Variants in TPTE observed in about 807,000 individuals in gnomAD.
TPTE encodes the protein transmembrane phosphatase with tensin homology.
TPTE carries 59 observed loss-of-function variants against 84.1 expected under a neutral mutation model. The observed-to-expected ratio is 0.70, with a 90% CI of 0.57 to 0.87. The LOEUF (loss-of-function observed/expected upper bound fraction) is 0.87, where lower values mean the gene tolerates loss of function less well. TPTE is among the 40% of genes least tolerant of loss of function. TPTE has a pLI of 0.00. For missense variants in TPTE, 382 were observed against 659.6 expected (o/e 0.58, Z 4.61); for synonymous variants, 130 against 223.5 (o/e 0.58, Z 3.73).
At chr21:10,601,253 C>T (rs1296367167) in intron 21 of TPTE, among the ~76,000 whole-genome samples, 1 of 152,310 alleles carries the variant, frequency 6.6e-6, no homozygotes, top group Non-Finnish European at 1.5e-5. Flanking sequence ...GCCTGTAATC[C>T]CAGCACTTTG....
chr21:10,594,491 A>T (rs941109971), intron 19 of TPTE, among the ~76,000 whole-genome samples: 2 of 152,308 alleles, frequency 1.3e-5, no homozygotes, highest in African/African-American at 4.8e-5. Context: ...TGGTTGTATT[A>T]ATTTCTACTA....
intron 7 of TPTE, among the ~76,000 whole-genome samples, chr21:10,545,026 G>T (rs1265535186): frequency 7.9e-5 from 12 of 152,300 alleles, no homozygotes; most frequent in African/African-American, 2.9e-4. Flanking sequence ...CGTTTTTCAG[G>T]GGAACTAGAT....
chr21:10,563,087 A>G (rs1387765537), intron 10 of TPTE, among the ~76,000 whole-genome samples: 4 of 152,428 alleles, frequency 2.6e-5, no homozygotes, highest in East Asian at 3.9e-4. Flanking sequence ...GTTTCAGGCC[A>G]GGAGAGAGTG....
At chr21:10,555,269 T>A (rs1243991454) in intron 8 of TPTE, among the ~76,000 whole-genome samples, 2 of 152,304 alleles carry the variant, frequency 1.3e-5, no homozygotes, top group East Asian at 1.9e-4. Context: ...GTGCAGTGGC[T>A]CCACTCAGCT....
chr21:10,598,366 T>C (rs1438579311), intron 21 of TPTE, among the ~76,000 whole-genome samples: 1 of 152,312 alleles, frequency 6.6e-6, no homozygotes, highest in Non-Finnish European at 1.5e-5. Context: ...CTGAGCGTGT[T>C]CCCAGGAATG....
chr21:10,551,714 CAAAA>C (rs147086521), intron 7 of TPTE, among the ~76,000 whole-genome samples: 4 of 151,424 alleles, frequency 2.6e-5, no homozygotes, highest in Non-Finnish European at 4.4e-5. Context: ...AAATCAGAAA[CAAAA>C]AAAAAGAGAC....
intron 7 of TPTE, among the ~76,000 whole-genome samples, chr21:10,543,760 A>C (rs368065806): frequency 1.3e-4 from 19 of 151,998 alleles, no homozygotes; most frequent in East Asian, 9.6e-4. Flanking sequence ...CAATTTTTTA[A>C]GGGATTCAGG....
At chr21:10,605,235 T>C (rs372710276) in intron 23 of TPTE, among the ~76,000 whole-genome samples, 182 bp from the exon 24 acceptor site, 2 of 152,100 alleles carry the variant, frequency 1.3e-5, no homozygotes, top group South Asian at 4.1e-4. Flanking sequence ...TGCTGAAGAT[T>C]AAAGTATTTT....
At chr21:10,558,637 C>A (rs1468751953) in intron 8 of TPTE, among the ~76,000 whole-genome samples, 3 of 152,306 alleles carry the variant, frequency 2.0e-5, no homozygotes, top group Non-Finnish European at 4.4e-5. Context: ...CCGTCTTAGG[C>A]ACAGGCTGTG....
intron 20 of TPTE, among the ~76,000 whole-genome samples, chr21:10,597,813 AT>A (rs1846360701): frequency 6.6e-6 from 1 of 151,448 alleles, no homozygotes; most frequent in East Asian, 1.9e-4. Context: ...CTCTCATCTT[AT>A]AAAATCTGCT....
At chr21:10,565,779 G>C (rs573249836) in intron 10 of TPTE, among the ~76,000 whole-genome samples, 48 of 152,396 alleles carry the variant, frequency 3.1e-4, no homozygotes, top group African/African-American at 1.1e-3. Flanking sequence ...TTCAACAAAT[G>C]GTTCTGGGAA....
intron 10 of TPTE, among the ~76,000 whole-genome samples, chr21:10,562,694 G>C (rs2074833379): frequency 6.6e-6 from 1 of 152,306 alleles, no homozygotes; most frequent in Admixed American, 6.5e-5. Flanking sequence ...TGAGCTTGAA[G>C]ACAGGCTATT....
chr21:10,581,140 A>G (rs1216619383), intron 17 of TPTE, among the ~76,000 whole-genome samples: 2 of 152,310 alleles, frequency 1.3e-5, no homozygotes, highest in African/African-American at 2.4e-5. Flanking sequence ...TTAGCTGTAT[A>G]TTAGTTAATA....
intron 4 of TPTE, among the ~76,000 whole-genome samples, chr21:10,539,010 C>G (rs1478220698): frequency 2.2e-4 from 34 of 152,290 alleles, no homozygotes; most frequent in Non-Finnish European, 8.8e-5. Flanking sequence ...TCCTAGTAGC[C>G]TTTGTAGGTA....
chr21:10,557,493 T>G (rs1423568338), intron 8 of TPTE, among the ~76,000 whole-genome samples: 1 of 152,308 alleles, frequency 6.6e-6, no homozygotes, highest in Non-Finnish European at 1.5e-5. Context: ...GAGTTCAGAT[T>G]TATGACATTT....
chr21:10,551,325 T>C (rs2074569708), intron 7 of TPTE, among the ~76,000 whole-genome samples: 1 of 152,262 alleles, frequency 6.6e-6, no homozygotes, highest in Admixed American at 6.5e-5. Flanking sequence ...TTAGGAGATA[T>C]ACCTAATGTA....
At chr21:10,528,640 A>T (rs531181502) in intron 3 of TPTE, among the ~76,000 whole-genome samples, 2 of 152,428 alleles carry the variant, frequency 1.3e-5, no homozygotes, top group East Asian at 3.8e-4. Flanking sequence ...TTTATAACTG[A>T]TGCTGTTTGT....
chr21:10,573,883 A>T (rs2075096303), intron 14 of TPTE, among the ~76,000 whole-genome samples: 1 of 152,312 alleles, frequency 6.6e-6, no homozygotes, highest in Non-Finnish European at 1.5e-5. Flanking sequence ...AACAATGCAA[A>T]TCCTCTTCAG....
At chr21:10,542,040 G>A (rs1279273104) in intron 5 of TPTE, among the ~76,000 whole-genome samples, 4 of 152,312 alleles carry the variant, frequency 2.6e-5, no homozygotes, top group African/African-American at 9.6e-5. Context: ...CTAATGGAGG[G>A]CCTTTTAAGC....
Sources: allele counts gnomAD v4.1 joint callset (sites outside exome capture counted in the v4.1 genomes callset), GRCh38; gene constraint gnomAD v4.1.1; transcripts MANE v1.5; gene names NCBI Gene and HGNC (gene_info 2026-07-23, HGNC 2026-07-21).